Variants in DACH1 observed in about 807,000 individuals in gnomAD.
DACH1 encodes dachshund homolog 1.
Under a neutral mutation model 54.2 loss-of-function variants are expected in DACH1, and 12 were observed. The observed-to-expected ratio is 0.22, with a 90% CI of 0.14 to 0.36. The LOEUF (loss-of-function observed/expected upper bound fraction) is 0.36, where lower values mean the gene tolerates loss of function less well. Ranked by LOEUF, DACH1 falls within the 10% of genes least tolerant of loss-of-function variation. The pLI, the probability that DACH1 is intolerant of heterozygous loss-of-function variation, is 1.00. For missense variants in DACH1, 805 were observed against 929.8 expected (o/e 0.87, Z 1.75); for synonymous variants, 386 against 366.2 (o/e 1.05, Z -0.62).
chr13:71,488,946 C>G, intron 7 of DACH1, 51 bp downstream of exon 7: 1 of 1,553,158 alleles, frequency 6.4e-7, no homozygotes, highest in East Asian at 2.3e-5. Context: ...AAAAAAAAAT[C>G]TACAACAGGG....
chr13:71,486,857 T>TATC (rs924733639), intron 7 of DACH1, among the ~76,000 whole-genome samples: 12 of 145,750 alleles, frequency 8.2e-5, no homozygotes, highest in African/African-American at 2.5e-4. Context: ...TCTATCTATC[T>TATC]ATCTGAGATG....
At chr13:71,814,700 G>C (rs534001813) in intron 1 of DACH1, among the ~76,000 whole-genome samples, 2 of 152,294 alleles carry the variant, frequency 1.3e-5, no homozygotes, top group South Asian at 4.1e-4. Context: ...CTGTTGACTA[G>C]ATTAATTGCC....
chr13:71,501,110 T>C (rs1031178855), intron 6 of DACH1, among the ~76,000 whole-genome samples: 1 of 152,134 alleles, frequency 6.6e-6, no homozygotes, highest in Non-Finnish European at 1.5e-5. Context: ...CCAATGTATA[T>C]CTCTCATGTA....
chr13:71,517,774 G>C (rs189788726), intron 6 of DACH1, among the ~76,000 whole-genome samples: 1 of 151,970 alleles, frequency 6.6e-6, no homozygotes, highest in African/African-American at 2.4e-5. Context: ...AAAAGCATTT[G>C]CTAGTCTAAC....
chr13:71,498,829 CTAT>C (rs1879663755), intron 6 of DACH1, among the ~76,000 whole-genome samples: 2 of 152,016 alleles, frequency 1.3e-5, no homozygotes. Context: ...ATCATATTTT[CTAT>C]TATTATGCTC....
chr13:71,778,756 T>C (rs1886182129), intron 1 of DACH1, among the ~76,000 whole-genome samples: 1 of 152,096 alleles, frequency 6.6e-6, no homozygotes. Flanking sequence ...TCTTTAAGAA[T>C]AACATTTCCA....
rs373154831 is a variant in DACH1 at position 71,766,639 on chromosome 13, A to G, written c.849-84729T>C. On this transcript the variant is annotated intron_variant, in intron 1 of 10. Coordinates refer to ENST00000613252, the MANE Select transcript of DACH1 (RefSeq NM_080759.6). The stretch of plus-strand genomic sequence containing the variant: ...AGTAGACTGCCAACAATAACTTGTA[A>G]AATAAATAATTGAATAAGACTTGTT... 9.2e-5 allele frequency among the ~76,000 whole-genome samples: 14 copies of G among 152,312 alleles called. No individual in the cohort carries two copies. In the East Asian group the frequency reaches 1.4e-3, roughly 15 times the overall value.
At chr13:71,709,427 G>C (rs1164596886) in intron 1 of DACH1, among the ~76,000 whole-genome samples, 1 of 150,126 alleles carries the variant, frequency 6.7e-6, no homozygotes, top group African/African-American at 2.5e-5. Context: ...ATAAAATCTT[G>C]TGCTGTCCTG....
At chr13:71,656,019 G>A (rs562429284) in intron 2 of DACH1, among the ~76,000 whole-genome samples, 25 of 152,284 alleles carry the variant, frequency 1.6e-4, no homozygotes, top group Admixed American at 2.6e-4. Context: ...TGAAACTTGC[G>A]TGACATACTT....
rs553829666 is a variant in DACH1 at position 71,459,991 on chromosome 13, G to A, written c.2083+15150C>T. Among the ~76,000 whole-genome samples, 14 of 151,996 alleles carry A rather than the reference G, an allele frequency of 9.2e-5. No homozygotes were observed. The South Asian group carries it at 2.5e-3, about 27-fold the overall frequency. The stretch of plus-strand genomic sequence containing the variant: ...AAAATAACATGCAAAGGAACCACTA[G>A]GCTATGAGAATTCACAGCCCTTCTA... On this transcript the variant is annotated intron_variant, in intron 10 of 10. Coordinates refer to ENST00000613252, the MANE Select transcript of DACH1 (RefSeq NM_080759.6).
At chr13:71,794,965 AT>A (rs1417125610) in intron 1 of DACH1, among the ~76,000 whole-genome samples, 4 of 152,248 alleles carry the variant, frequency 2.6e-5, no homozygotes, top group African/African-American at 9.6e-5. Flanking sequence ...TATACATAGA[AT>A]ATAGTATACT....
In DACH1 at chr13:71,674,322, A is replaced by T. The variant is rs190209080; in HGVS notation, c.964+7473T>A. On this transcript the variant is annotated intron_variant, in intron 2 of 10. Coordinates refer to ENST00000613252, the MANE Select transcript of DACH1 (RefSeq NM_080759.6). ...TGTGTGAATGCTACTTTATATATTTAAAAAAATTATTTGTAGATGTGATTA... is the reference window on the plus strand; with the variant it reads ...TGTGTGAATGCTACTTTATATATTTTAAAAAATTATTTGTAGATGTGATTA... Among the ~76,000 whole-genome samples, 256 of 152,158 alleles carry T rather than the reference A, an allele frequency of 1.7e-3. No homozygotes were observed. In the Middle Eastern group the frequency reaches 0.017, roughly 10 times the overall value.
intron 1 of DACH1, among the ~76,000 whole-genome samples, chr13:71,777,623 A>C (rs2147153): frequency 0.96 from 146,019 of 152,134 alleles, 70,203 homozygotes; most frequent in East Asian, 1. Context: ...AAACACAAAA[A>C]AACTAATCCA....
intron 1 of DACH1, among the ~76,000 whole-genome samples, chr13:71,752,003 T>G (rs891263633): frequency 4.6e-5 from 7 of 152,296 alleles, no homozygotes; most frequent in African/African-American, 1.7e-4. Flanking sequence ...TCCCTTAGTA[T>G]TTCCTTTATA....
intron 1 of DACH1, among the ~76,000 whole-genome samples, chr13:71,821,429 A>ATTTAAATTTAAATTTAAATTCCAAGAT (rs1888181718): frequency 7.6e-6 from 1 of 131,122 alleles, no homozygotes; most frequent in African/African-American, 2.8e-5. Flanking sequence ...AAGATTTTAA[A>ATTTAAATTTAAATTTAAATTCCAAGAT]TTTAAATTTA....
chr13:71,811,816 T>A (rs933897858), intron 1 of DACH1, among the ~76,000 whole-genome samples: 1 of 152,214 alleles, frequency 6.6e-6, no homozygotes, highest in Non-Finnish European at 1.5e-5. Flanking sequence ...TAATGTAAGT[T>A]AATATCTGTA....
chr13:71,832,653 G>A (rs1293979325), intron 1 of DACH1, among the ~76,000 whole-genome samples: 3 of 151,748 alleles, frequency 2.0e-5, no homozygotes, highest in Non-Finnish European at 2.9e-5. Context: ...TGTTATTATA[G>A]AAGAGGAACT....
At chr13:71,824,999 C>A (rs1888325001) in intron 1 of DACH1, among the ~76,000 whole-genome samples, 1 of 151,766 alleles carries the variant, frequency 6.6e-6, no homozygotes, top group Non-Finnish European at 1.5e-5. Context: ...TTAAGGAGGC[C>A]CCCACAGGAG....
intron 6 of DACH1, among the ~76,000 whole-genome samples, chr13:71,533,320 AT>A (rs1422646902): frequency 6.6e-6 from 1 of 151,948 alleles, no homozygotes; most frequent in African/African-American, 2.4e-5. Flanking sequence ...AAAAAGTTTC[AT>A]AAGTAATTCC....
Sources: allele counts gnomAD v4.1 joint callset (sites outside exome capture counted in the v4.1 genomes callset), GRCh38; gene constraint gnomAD v4.1.1; transcripts MANE v1.5; gene names NCBI Gene and HGNC (gene_info 2026-07-23, HGNC 2026-07-21).